CNTNAP2: variants seen among roughly 807,000 people sequenced by gnomAD.
CNTNAP2 encodes the protein contactin-associated protein-like 2.
CNTNAP2 carries 98 observed loss-of-function variants against 155.2 expected under a neutral mutation model. The ratio of observed to expected loss-of-function variants is 0.63; its 90% CI spans 0.54 to 0.75. The LOEUF is 0.75. Among genes scored for constraint, CNTNAP2 ranks in the 30% least tolerant of loss-of-function variants. The pLI is 0.00. For synonymous variants in CNTNAP2, 651 were observed against 631.2 expected, an observed-to-expected ratio of 1.03 and a Z score of -0.47; for missense variants, 1,727 against 1,688.1, an observed-to-expected ratio of 1.02 and a Z score of -0.40.
chr7:147,086,296 CAA>C (rs1302766235), intron 4 of CNTNAP2, among the ~76,000 whole-genome samples: 2 of 151,786 alleles, frequency 1.3e-5, no homozygotes, highest in Admixed American at 1.3e-4. Context: ...AAATATGAAA[CAA>C]AGAAGAAAAT....
chr7:148,345,173 T>G (rs991902425), intron 21 of CNTNAP2, among the ~76,000 whole-genome samples: 1 of 152,110 alleles, frequency 6.6e-6, no homozygotes, highest in Admixed American at 6.6e-5. Context: ...TTTAACTCTC[T>G]GCGGGGTTCA....
At chr7:146,537,799 T>A (rs1797892250) in intron 1 of CNTNAP2, among the ~76,000 whole-genome samples, 3 of 152,072 alleles carry the variant, frequency 2.0e-5, no homozygotes. Flanking sequence ...AACAGGCCAG[T>A]AAGACTTGGG....
At chr7:146,806,578 G>A (rs913435658) in intron 2 of CNTNAP2, among the ~76,000 whole-genome samples, 2 of 151,904 alleles carry the variant, frequency 1.3e-5, no homozygotes, top group Non-Finnish European at 2.9e-5. Flanking sequence ...TTTACTCTCT[G>A]TTTTCACCTT....
intron 14 of CNTNAP2, among the ~76,000 whole-genome samples, chr7:147,929,019 G>A (rs1800449395): frequency 6.9e-6 from 1 of 144,534 alleles, no homozygotes. Context: ...TTGAACCCAG[G>A]AGGCAGAGGT....
At chr7:147,728,601 C>G (rs1034064492) in intron 13 of CNTNAP2, among the ~76,000 whole-genome samples, 6 of 151,912 alleles carry the variant, frequency 3.9e-5, no homozygotes, top group African/African-American at 1.2e-4. Flanking sequence ...TAGTTAGCCC[C>G]TTTATTGCAT....
intron 11 of CNTNAP2, among the ~76,000 whole-genome samples, chr7:147,522,139 G>A (rs974252445): frequency 6.6e-6 from 1 of 152,130 alleles, no homozygotes; most frequent in African/African-American, 2.4e-5. Context: ...TCTTTTATGA[G>A]GGCACTAATT....
intron 13 of CNTNAP2, among the ~76,000 whole-genome samples, chr7:147,814,644 G>A (rs1798237966): frequency 6.6e-6 from 1 of 152,054 alleles, no homozygotes; most frequent in Admixed American, 6.6e-5. Context: ...ATTACTTTTA[G>A]TATAGCACTT....
chr7:146,788,170 C>T (rs1308427613), intron 2 of CNTNAP2, among the ~76,000 whole-genome samples: 1 of 152,148 alleles, frequency 6.6e-6, no homozygotes, highest in East Asian at 1.9e-4. Flanking sequence ...GGGCTGGCCA[C>T]CAAGCCGGCG....
chr7:147,663,146 C>T (rs1795640839), intron 13 of CNTNAP2, among the ~76,000 whole-genome samples: 1 of 151,218 alleles, frequency 6.6e-6, no homozygotes. Context: ...TTACAGGTGC[C>T]CACAACCACG....
In CNTNAP2 at chr7:147,486,081, T is replaced by C. The variant is rs1054619508; in HGVS notation, c.1777+40T>C. 1.9e-6 allele frequency: 3 copies of C among 1,541,618 alleles called. No individual in the cohort carries two copies. In the Admixed American group the frequency reaches 5.0e-5, roughly 26 times the overall value. On this transcript the variant is annotated intron_variant, in intron 11 of 23. Transcript: ENST00000361727. Reference sequence around the variant, plus strand: ...ATCTCACTTTAATCTTGTAATTGCATGAGAATCTCAAGTCTTGAGCTGTGC... The same window carrying C: ...ATCTCACTTTAATCTTGTAATTGCACGAGAATCTCAAGTCTTGAGCTGTGC...
chr7:147,853,231 A>C (rs1036167407), intron 13 of CNTNAP2, among the ~76,000 whole-genome samples: 1 of 152,292 alleles, frequency 6.6e-6, no homozygotes. Context: ...TGGGGAGGAG[A>C]CAAGTCTGAA....
At chr7:146,459,354 T>C (rs1463109977) in intron 1 of CNTNAP2, among the ~76,000 whole-genome samples, 1 of 152,180 alleles carries the variant, frequency 6.6e-6, no homozygotes, top group Non-Finnish European at 1.5e-5. Flanking sequence ...TGATATTAGC[T>C]CAGCAGGTAT....
At chr7:146,205,392 A>G (rs1421128394) in intron 1 of CNTNAP2, among the ~76,000 whole-genome samples, 5 of 151,996 alleles carry the variant, frequency 3.3e-5, no homozygotes, top group African/African-American at 1.2e-4. Context: ...TAGAAACTGT[A>G]GAACATTGGA....
chr7:146,895,557 A>T (rs915974767), intron 3 of CNTNAP2, among the ~76,000 whole-genome samples: 1 of 152,178 alleles, frequency 6.6e-6, no homozygotes, highest in African/African-American at 2.4e-5. Context: ...ATATAAATTA[A>T]TTTAGAGCCA....
intron 3 of CNTNAP2, among the ~76,000 whole-genome samples, chr7:147,005,440 G>T (rs187199783): frequency 1.1e-4 from 16 of 151,992 alleles, no homozygotes; most frequent in Middle Eastern, 6.8e-3. Flanking sequence ...ATAGACCCCT[G>T]CAACAAAGGA....
intron 13 of CNTNAP2, among the ~76,000 whole-genome samples, chr7:147,751,264 G>GTATT (rs1397006317): frequency 6.6e-6 from 1 of 151,552 alleles, no homozygotes; most frequent in African/African-American, 2.4e-5. Context: ...GAAAACTGAT[G>GTATT]TATTTATTTA....
intron 1 of CNTNAP2, among the ~76,000 whole-genome samples, chr7:146,507,948 C>T (rs1397108417): frequency 6.6e-6 from 1 of 152,122 alleles, no homozygotes; most frequent in Non-Finnish European, 1.5e-5. Context: ...ATGTATGGGC[C>T]AAGTCCATCA....
rs113910804 is a variant in CNTNAP2, at chr7:147,269,603, C to T, written c.1349-30538C>T. 8.5e-5 allele frequency among the ~76,000 whole-genome samples: 13 copies of T among 152,310 alleles called. 1 individual carries two copies. Among genetic ancestry groups the T allele is most frequent in the African/African-American group, 3.1e-4 (13 of 41,572 alleles). On this transcript the variant is annotated intron_variant, in intron 8 of 23. Transcript: ENST00000361727. ...TTGTTTACATGTTTGCTATATTCCTCTTGTTTTTGATGATATTGCTGGAGG... is the reference window on the plus strand; with the variant it reads ...TTGTTTACATGTTTGCTATATTCCTTTTGTTTTTGATGATATTGCTGGAGG...
intron 1 of CNTNAP2, among the ~76,000 whole-genome samples, chr7:146,282,929 A>G (rs1800272428): frequency 6.6e-6 from 1 of 152,238 alleles, no homozygotes; most frequent in Non-Finnish European, 1.5e-5. Context: ...TTTTAATATT[A>G]AAGTTTTACA....
Sources: gnomAD v4.1 joint callset for allele counts (sites outside exome capture counted in the v4.1 genomes callset) on GRCh38, gnomAD v4.1.1 for gene constraint, MANE v1.5 for transcripts, NCBI Gene and HGNC (gene_info 2026-07-23, HGNC 2026-07-21) for gene names.